FHAD1: variants seen among roughly 807,000 people sequenced by gnomAD.
FHAD1 encodes forkhead-associated domain-containing protein 1.
FHAD1 carries 146 observed loss-of-function variants against 191.3 expected under a neutral mutation model. The observed-to-expected ratio is 0.76, with a 90% CI of 0.67 to 0.88. The LOEUF (loss-of-function observed/expected upper bound fraction) is 0.88, where lower values mean the gene tolerates loss of function less well. FHAD1 is among the 40% of genes least tolerant of loss of function. The pLI, the probability that FHAD1 is intolerant of heterozygous loss-of-function variation, is 0.00. For synonymous variants in FHAD1, 616 were observed against 672.3 expected, an observed-to-expected ratio of 0.92 and a Z score of 1.29; for missense variants, 1,635 against 1,785.8, an observed-to-expected ratio of 0.92 and a Z score of 1.52.
chr1:15,345,176 G>A lies in FHAD1; in HGVS notation c.2224G>A (p.Ala742Thr). 1 of 1,551,444 alleles carries A rather than the reference G, an allele frequency of 6.4e-7. No homozygotes were observed. The highest frequency in any genetic ancestry group is 1.4e-5 in the African/African-American group (1 of 73,134). Residue 742 changes from alanine to threonine, a missense_variant, in exon 17 of 34, where the codon GCC (alanine) becomes ACC (threonine). Transcript: ENST00000688493. ...AATGCAAGAACTGGAGAGCCTCCTG[G>A]CCCAGCAGAAGAAGGTATGTGGCTC... ...KRMQELESLL[A>T]QQKKALAKSI...
chr1:15,288,352 G>A (rs765180809), intron 3 of FHAD1, among the ~76,000 whole-genome samples: 13 of 152,244 alleles, frequency 8.5e-5, no homozygotes, highest in East Asian at 5.8e-4. Context: ...ACCACTCCAC[G>A]TTTGCTCATC....
rs981994098 is a variant in FHAD1 at position 15,260,741 on chromosome 1, G to A, written c.93+8864G>A. Among the ~76,000 whole-genome samples, 8 of 152,182 alleles carry A rather than the reference G, an allele frequency of 5.3e-5. No homozygotes were observed. The South Asian group carries it at 6.2e-4, about 12-fold the overall frequency. On this transcript the variant is annotated intron_variant, in intron 2 of 33. Coordinates refer to ENST00000688493, the MANE Select transcript of FHAD1 (RefSeq NM_001391957.1). ...TGCTTCAGATTTCTCTGACCTCCCC[G>A]TCTGACTCATCTCTCCAACTCCAGC...
chr1:15,264,968 T>C (rs1460293323), intron 2 of FHAD1, among the ~76,000 whole-genome samples: 2 of 152,240 alleles, frequency 1.3e-5, no homozygotes, highest in African/African-American at 4.8e-5. Flanking sequence ...TAATGCATTA[T>C]GTTACACAGA....
chr1:15,243,612 C>G (rs1645656849), upstream of FHAD1, among the ~76,000 whole-genome samples: 2 of 152,208 alleles, frequency 1.3e-5, no homozygotes, highest in South Asian at 4.1e-4. Context: ...GAGAAGGTGG[C>G]TGGGAAGGAA....
At chr1:15,339,940 T>G (rs1411200658) in intron 15 of FHAD1, among the ~76,000 whole-genome samples, 1 of 152,080 alleles carries the variant, frequency 6.6e-6, no homozygotes, top group African/African-American at 2.4e-5. Flanking sequence ...ATTCTCCTGC[T>G]TCAGCTTTCT....
At chr1:15,356,499 T>C (rs1692844075) in intron 20 of FHAD1, among the ~76,000 whole-genome samples, 3 of 152,148 alleles carry the variant, frequency 2.0e-5, no homozygotes, top group Non-Finnish European at 4.4e-5. Flanking sequence ...AAGTTGCAGG[T>C]GCGTGCTACG....
At chr1:15,321,457 C>T (rs1574316760) in intron 10 of FHAD1, among the ~76,000 whole-genome samples, 1 of 152,174 alleles carries the variant, frequency 6.6e-6, no homozygotes, top group African/African-American at 2.4e-5. Context: ...TTATGTCCTT[C>T]TTCTTAACAC....
At chr1:15,358,056 G>T in intron 20 of FHAD1, 54 bp from the exon 21 acceptor site, 1 of 1,302,650 alleles carries the variant, frequency 7.7e-7, no homozygotes, top group South Asian at 1.5e-5. Flanking sequence ...AAGGGGGCTG[G>T]GTAAATATGT....
chr1:15,363,718 A>G, intron 23 of FHAD1: 1 of 455,596 alleles, frequency 2.2e-6, no homozygotes, highest in South Asian at 1.6e-5. Context: ...AATGATTTCA[A>G]CTCTCCTGAC....
At chr1:15,303,401 G>A (rs1297853216) in intron 6 of FHAD1, among the ~76,000 whole-genome samples, 3 of 152,192 alleles carry the variant, frequency 2.0e-5, no homozygotes, top group African/African-American at 7.2e-5. Context: ...TCCCATTTCA[G>A]AGCTTTCCTG....
downstream of FHAD1, among the ~76,000 whole-genome samples, chr1:15,401,749 C>T (rs565968450): frequency 9.2e-5 from 14 of 152,324 alleles, no homozygotes; most frequent in African/African-American, 3.4e-4. Flanking sequence ...CCTAATAACG[C>T]TAATGCATGC....
Position 15,289,439 on chromosome 1 carries a change from G to A in FHAD1, c.341G>A (p.Gly114Glu). Residue 114 changes from glycine (G) to glutamate (E), a missense_variant, in exon 4 of 34, where the codon GGG becomes GAG. Transcript: ENST00000688493. This position sits in a 1 kb window ranked among gnomAD's most constrained non-coding sequence, Gnocchi z 4.2. Reference sequence around the variant, plus strand: ...ATGAGGGGCCCAGCACCATGGCCAGGGCCACAGCCACCTCGTGCCACACAG... The same window carrying A: ...ATGAGGGGCCCAGCACCATGGCCAGAGCCACAGCCACCTCGTGCCACACAG... ...PWMRGPAPWP[G>E]PQPPRATQQP... The A allele has an allele frequency of 4.5e-6, 7 of 1,551,694 alleles. No homozygotes were observed. The highest frequency in any genetic ancestry group is 6.1e-6 in the Non-Finnish European group (7 of 1,147,012).
At chr1:15,397,209 A>T (rs1030743438) in intron 33 of FHAD1, 88 bp from the exon 34 acceptor site, 13 of 604,136 alleles carry the variant, frequency 2.2e-5, no homozygotes, top group Admixed American at 7.0e-5. Flanking sequence ...AAAATTAAAT[A>T]AAATAAAAAA....
chr1:15,367,768 T>C, intron 25 of FHAD1, 146 bp downstream of exon 25: 1 of 700,858 alleles, frequency 1.4e-6, no homozygotes, highest in South Asian at 1.9e-5. Context: ...TATTCTGTGC[T>C]TCTCAAACTT....
At chr1:15,353,859 T>C (rs1691799750) in intron 20 of FHAD1, among the ~76,000 whole-genome samples, 1 of 152,106 alleles carries the variant, frequency 6.6e-6, no homozygotes. Context: ...CATTTACTGT[T>C]ATCACTGAGA....
chr1:15,266,552 T>C (rs1217689738), intron 2 of FHAD1, among the ~76,000 whole-genome samples: 4 of 152,316 alleles, frequency 2.6e-5, no homozygotes, highest in Middle Eastern at 6.8e-3. Context: ...GTTACTATGA[T>C]ACATTTGTTG....
rs1454855975 is a variant in FHAD1 at position 15,374,631 on chromosome 1, G to A, written c.3577G>A (p.Asp1193Asn). 1 of 1,551,120 alleles carries A rather than the reference G, an allele frequency of 6.4e-7. No homozygotes were observed. The highest frequency in any genetic ancestry group is 1.2e-5 in the South Asian group (1 of 84,014). Residue 1193 changes from aspartate (D) to asparagine (N), a missense_variant and splice_region_variant, in exon 27 of 34, where the codon GAT becomes AAT. Coordinates refer to ENST00000688493, the MANE Select transcript of FHAD1 (RefSeq NM_001391957.1). ...AGAACTCGAGAAGGCGCGCTCACCA[G>A]GTAAGTCTCCTCCTTCCTAGTCAGA... is the stretch of plus-strand genomic sequence containing the variant. ...IKELEKARSP[D>N]HKDHQNESFL... is the part of the protein sequence containing the mutation.
intron 10 of FHAD1, among the ~76,000 whole-genome samples, chr1:15,321,668 G>A (rs1676310232): frequency 6.6e-6 from 1 of 152,118 alleles, no homozygotes; most frequent in South Asian, 2.1e-4. Context: ...TTTTTCTTCA[G>A]CGTGAAGAAC....
intron 20 of FHAD1, 45 bp downstream of exon 20, chr1:15,353,029 G>A (rs1558199126): frequency 1.2e-5 from 17 of 1,375,060 alleles, no homozygotes; most frequent in South Asian, 6.2e-5. Context: ...CCAGCACAGC[G>A]AAGGGCAGTG....
Sources: allele counts gnomAD v4.1 joint callset (sites outside exome capture counted in the v4.1 genomes callset), GRCh38; gene constraint gnomAD v4.1.1; non-coding constraint Gnocchi (gnomAD v3.1); transcripts MANE v1.5; gene names NCBI Gene and HGNC (gene_info 2026-07-23, HGNC 2026-07-21).